The following RPH3A variants were observed in gnomAD, a reference collection of about 807,000 sequenced individuals.
RPH3A encodes rabphilin-3A.
In RPH3A, 48 loss-of-function variants were observed where a neutral mutation model predicts 102.2. The observed-to-expected ratio is 0.47, with a 90% CI of 0.37 to 0.60. The LOEUF (loss-of-function observed/expected upper bound fraction) is 0.60. RPH3A is among the 20% of genes least tolerant of loss of function. The probability of loss-of-function intolerance (pLI) is 0.00; values close to 1 mark genes in which losing one functional copy is unlikely to be tolerated. For synonymous variants in RPH3A, 310 were observed against 324.3 expected, an observed-to-expected ratio of 0.96 and a Z score of 0.47; for missense variants, 781 against 910.1, an observed-to-expected ratio of 0.86 and a Z score of 1.83.
At chr12:112,678,319 A>AGAGAGAGAGAGAGAGAGAGAG (rs1225677838) in intron 1 of RPH3A, among the ~76,000 whole-genome samples, 1 of 68,534 alleles carries the variant, frequency 1.5e-5, no homozygotes, top group Non-Finnish European at 3.1e-5. Flanking sequence ...GAGAGAGAGA[A>AGAGAGAGAGAGAGAGAGAGAG]AGAAAGAAAG....
intron 1 of RPH3A, among the ~76,000 whole-genome samples, chr12:112,774,527 C>T (rs2040950673): frequency 1.3e-5 from 2 of 152,176 alleles, no homozygotes; most frequent in Non-Finnish European, 2.9e-5. Context: ...GCCTCACATC[C>T]TCATTATAAT....
chr12:112,805,159 G>GT (rs1400019755), intron 2 of RPH3A, among the ~76,000 whole-genome samples: 1 of 152,094 alleles, frequency 6.6e-6, no homozygotes, highest in African/African-American at 2.4e-5. Flanking sequence ...AAAGATTGGT[G>GT]CCCCTTTTTT....
Position 112,883,318 on chromosome 12 carries a change from T to A in RPH3A, c.1352T>A (p.Leu451Gln). 6.2e-7 allele frequency: 1 copy of A among 1,614,106 alleles called. No homozygotes were observed. Among genetic ancestry groups the A allele is most frequent in the East Asian group, 2.2e-5 (1 of 44,884 alleles). Reference protein sequence around the residue: ...SKSNKLRTKTLRNTRNPIWNE... With the variant: ...SKSNKLRTKTQRNTRNPIWNE... ...TCCAACAAGCTTCGTACAAAAACTC[T>A]GCGGAATACCCGGAACCCCATCTGG... The change falls in exon 16 of 22, where the codon CTG (leucine) becomes CAG (glutamine). Residue 451 changes from leucine (L) to glutamine (Q), a missense_variant. Physicochemically the swap from Leu to Gln is moderately radical, Grantham distance 113 (BLOSUM62 -2). Coordinates refer to ENST00000389385, the MANE Select transcript of RPH3A (RefSeq NM_001143854.2).
intron 1 of RPH3A, among the ~76,000 whole-genome samples, chr12:112,638,362 A>G (rs183313573): frequency 3.9e-5 from 6 of 152,330 alleles, no homozygotes; most frequent in Admixed American, 3.3e-4. Flanking sequence ...TGGACTAAGA[A>G]GATAGCTACT....
At chr12:112,740,332 T>A (rs187036812) in intron 1 of RPH3A, among the ~76,000 whole-genome samples, 104 of 152,334 alleles carry the variant, frequency 6.8e-4, no homozygotes, top group Middle Eastern at 3.4e-3. Context: ...GCATAATGAA[T>A]TCTATAGTTA....
At chr12:112,854,916 G>A (rs2042385303) in intron 5 of RPH3A, among the ~76,000 whole-genome samples, 1 of 152,224 alleles carries the variant, frequency 6.6e-6, no homozygotes. Flanking sequence ...AATAATGACA[G>A]GGTATCTCAA....
chr12:112,803,081 C>T (rs2041385337), intron 2 of RPH3A, among the ~76,000 whole-genome samples: 1 of 152,056 alleles, frequency 6.6e-6, no homozygotes, highest in Non-Finnish European at 1.5e-5. Flanking sequence ...GTCATGGCAG[C>T]GGGTCTGGAT....
chr12:112,831,317 C>T (rs1425056690), intron 3 of RPH3A, among the ~76,000 whole-genome samples: 1 of 151,860 alleles, frequency 6.6e-6, no homozygotes, highest in East Asian at 1.9e-4. Context: ...TTATTGGTTT[C>T]AGTCATATGG....
chr12:112,681,904 G>A (rs762710092), intron 1 of RPH3A, among the ~76,000 whole-genome samples: 27 of 152,176 alleles, frequency 1.8e-4, no homozygotes, highest in Non-Finnish European at 2.8e-4. Context: ...ACATTTTTTA[G>A]CATGGCTTGC....
chr12:112,717,869 C>T (rs1208059165), intron 1 of RPH3A: 1 of 151,942 alleles, frequency 6.6e-6, no homozygotes, highest in Non-Finnish European at 1.5e-5. Flanking sequence ...GATGAGGGTT[C>T]TAGATGCTTC....
At chr12:112,653,100 A>G (rs577626870) in intron 1 of RPH3A, among the ~76,000 whole-genome samples, 1 of 152,254 alleles carries the variant, frequency 6.6e-6, no homozygotes, top group East Asian at 1.9e-4. Context: ...AGTATAAAAG[A>G]TAAATACAGG....
intron 1 of RPH3A, among the ~76,000 whole-genome samples, chr12:112,630,911 T>C (rs554350979): frequency 6.6e-6 from 1 of 152,214 alleles, no homozygotes; most frequent in South Asian, 2.1e-4. Context: ...GTTAAGTCCC[T>C]GGGGTGGGAG....
intron 1 of RPH3A, among the ~76,000 whole-genome samples, chr12:112,763,094 G>A (rs2040865369): frequency 6.6e-6 from 1 of 152,200 alleles, no homozygotes; most frequent in Non-Finnish European, 1.5e-5. Context: ...TCTCAGTGAG[G>A]ACTGTAAACC....
At chr12:112,797,361 A>T (rs1008464375) in intron 2 of RPH3A, among the ~76,000 whole-genome samples, 9 of 152,176 alleles carry the variant, frequency 5.9e-5, no homozygotes, top group Admixed American at 2.0e-4. Flanking sequence ...AGGGGGCTGC[A>T]TTACTAGGCT....
chr12:112,692,435 G>A (rs1343872867), intron 1 of RPH3A, among the ~76,000 whole-genome samples: 1 of 152,168 alleles, frequency 6.6e-6, no homozygotes, highest in Non-Finnish European at 1.5e-5. Context: ...AATATGTACA[G>A]TTATTCTGTG....
At chr12:112,585,350 T>A (rs2039431088) in intron 1 of RPH3A, among the ~76,000 whole-genome samples, 2 of 152,310 alleles carry the variant, frequency 1.3e-5, no homozygotes, top group South Asian at 4.2e-4. Flanking sequence ...CAAGTTTTCT[T>A]TGATGATTTC....
At chr12:112,586,275 A>C (rs186508203) in intron 1 of RPH3A, among the ~76,000 whole-genome samples, 1 of 152,282 alleles carries the variant, frequency 6.6e-6, no homozygotes, top group African/African-American at 2.4e-5. Flanking sequence ...TCCAGTTCTC[A>C]TGGGACTCTT....
chr12:112,863,085 A>C (rs111995994), intron 5 of RPH3A, among the ~76,000 whole-genome samples: 2,715 of 151,446 alleles, frequency 0.018, 98 homozygotes, highest in African/African-American at 0.061. Context: ...TGACCCCCCC[A>C]AAAAAAAACC....
chr12:112,892,124 C>G (rs1469665296), intron 19 of RPH3A, among the ~76,000 whole-genome samples: 1 of 152,184 alleles, frequency 6.6e-6, no homozygotes. Flanking sequence ...CTTGGGGCAG[C>G]AACATGTATG....
Sources: gnomAD v4.1 joint callset for allele counts (sites outside exome capture counted in the v4.1 genomes callset) on GRCh38, gnomAD v4.1.1 for gene constraint, MANE v1.5 for transcripts, NCBI Gene and HGNC (gene_info 2026-07-23, HGNC 2026-07-21) for gene names.